The following DGKB variants were observed in gnomAD, a reference collection of about 807,000 sequenced individuals.
The protein encoded by DGKB is diacylglycerol kinase beta.
DGKB carries 67 observed loss-of-function variants against 114.3 expected under a neutral mutation model. The ratio of observed to expected loss-of-function variants is 0.59; its 90% CI spans 0.48 to 0.72. DGKB has a LOEUF of 0.72. Among genes scored for constraint, DGKB ranks in the 30% least tolerant of loss-of-function variants. The pLI, the probability that DGKB is intolerant of heterozygous loss-of-function variation, is 0.00. For synonymous variants in DGKB, 398 were observed against 323.1 expected (o/e 1.23, Z -2.49); for missense variants, 907 against 975.2 (o/e 0.93, Z 0.93).
At chr7:14,440,489 G>T (rs911163365) in intron 21 of DGKB, among the ~76,000 whole-genome samples, 4 of 151,932 alleles carry the variant, frequency 2.6e-5, no homozygotes, top group African/African-American at 9.7e-5. Flanking sequence ...AATAAATAAA[G>T]GTATGTATTT....
intron 2 of DGKB, among the ~76,000 whole-genome samples, chr7:14,763,160 T>A (rs960615140): frequency 6.6e-6 from 1 of 151,994 alleles, no homozygotes; most frequent in African/African-American, 2.4e-5. Flanking sequence ...TGCTGATGAT[T>A]TTTTTTTCCT....
chr7:14,702,094 CA>C (rs1825298684), intron 6 of DGKB, among the ~76,000 whole-genome samples: 1 of 152,100 alleles, frequency 6.6e-6, no homozygotes, highest in African/African-American at 2.4e-5. Flanking sequence ...GGAAAAACAA[CA>C]AATGTGAAAT....
intron 22 of DGKB, among the ~76,000 whole-genome samples, chr7:14,341,327 G>A (rs1247825272): frequency 2.0e-5 from 3 of 151,760 alleles, no homozygotes; most frequent in African/African-American, 7.2e-5. Context: ...TTCAGTGCTG[G>A]TTCTGATGGA....
intron 1 of DGKB, among the ~76,000 whole-genome samples, chr7:14,853,997 C>G (rs993971002): frequency 6.6e-6 from 1 of 151,824 alleles, no homozygotes; most frequent in Non-Finnish European, 1.5e-5. Flanking sequence ...ACACCTTTAT[C>G]ACATCTTGCC....
chr7:14,571,794 G>A (rs1798425329), intron 20 of DGKB, among the ~76,000 whole-genome samples: 1 of 152,114 alleles, frequency 6.6e-6, no homozygotes, highest in Non-Finnish European at 1.5e-5. Context: ...AAGACTTACT[G>A]GCTCAAAGTG....
intron 20 of DGKB, among the ~76,000 whole-genome samples, chr7:14,547,946 T>C (rs1402501419): frequency 1.3e-5 from 2 of 152,224 alleles, no homozygotes; most frequent in African/African-American, 4.8e-5. Flanking sequence ...ACATTCTAAA[T>C]TCTTCAGCAC....
chr7:14,887,476 G>C (rs1780486910), intron 1 of DGKB, among the ~76,000 whole-genome samples: 2 of 151,828 alleles, frequency 1.3e-5, no homozygotes, highest in South Asian at 4.2e-4. Context: ...TGTACACTCA[G>C]TCCCTAAGGG....
chr7:14,310,789 T>C (rs1431296172), intron 23 of DGKB, among the ~76,000 whole-genome samples: 2 of 152,190 alleles, frequency 1.3e-5, no homozygotes, highest in Non-Finnish European at 2.9e-5. Context: ...GACTATGTAC[T>C]AGGTAAGAGG....
At chr7:14,390,504 G>A (rs1284073378) in intron 21 of DGKB, among the ~76,000 whole-genome samples, 1 of 152,002 alleles carries the variant, frequency 6.6e-6, no homozygotes, top group Non-Finnish European at 1.5e-5. Flanking sequence ...ATGTATTCTG[G>A]CTTCATATGA....
intron 23 of DGKB, among the ~76,000 whole-genome samples, chr7:14,296,760 G>GTT (rs56367420): frequency 0.013 from 1,318 of 100,784 alleles, 31 homozygotes; most frequent in African/African-American, 0.05. Flanking sequence ...TCCAGGGACT[G>GTT]TTTTTTTTTT....
chr7:14,646,551 C>T (rs1813056622), intron 13 of DGKB, among the ~76,000 whole-genome samples: 1 of 152,236 alleles, frequency 6.6e-6, no homozygotes, highest in South Asian at 2.1e-4. Flanking sequence ...TTATTCTCCT[C>T]AGGACATGGG....
intron 25 of DGKB, among the ~76,000 whole-genome samples, chr7:14,162,991 T>C (rs1265253125): frequency 6.6e-6 from 1 of 152,122 alleles, no homozygotes; most frequent in African/African-American, 2.4e-5. Flanking sequence ...GCTGCAAAAT[T>C]AAAATAAATG....
intron 1 of DGKB, among the ~76,000 whole-genome samples, chr7:14,851,064 T>C (rs569898766): frequency 6.6e-6 from 1 of 152,338 alleles, no homozygotes; most frequent in Admixed American, 6.5e-5. Context: ...TTATTTTCTC[T>C]TTGCTTTTAC....
intron 21 of DGKB, among the ~76,000 whole-genome samples, chr7:14,400,768 C>T (rs1563104370): frequency 6.6e-6 from 1 of 150,946 alleles, no homozygotes; most frequent in Non-Finnish European, 1.5e-5. Context: ...ATTTATTAAT[C>T]CTGAAATGTG....
intron 1 of DGKB, among the ~76,000 whole-genome samples, chr7:14,844,687 G>C (rs1156674236): frequency 3.3e-5 from 5 of 152,088 alleles, no homozygotes; most frequent in Non-Finnish European, 7.3e-5. Flanking sequence ...TCCTTGGATG[G>C]TCATGAACTA....
chr7:14,388,492 G>C (rs1820795854), intron 21 of DGKB, among the ~76,000 whole-genome samples: 2 of 149,684 alleles, frequency 1.3e-5, no homozygotes, highest in South Asian at 4.2e-4. Flanking sequence ...ATACTAAAAA[G>C]ACAACAGTGC....
chr7:14,509,955 C>G (rs1350507787), intron 20 of DGKB, among the ~76,000 whole-genome samples: 2 of 152,108 alleles, frequency 1.3e-5, no homozygotes, highest in Non-Finnish European at 2.9e-5. Context: ...GCGGGCTGGT[C>G]ATGAGGTCAG....
chr7:14,712,129 T>C (rs1827457963), intron 6 of DGKB, among the ~76,000 whole-genome samples: 1 of 152,018 alleles, frequency 6.6e-6, no homozygotes, highest in African/African-American at 2.4e-5. Context: ...TCTGTGAAGT[T>C]AAATGTAAGG....
chr7:14,187,730 C>T (rs1267804477), intron 23 of DGKB, among the ~76,000 whole-genome samples: 3 of 152,074 alleles, frequency 2.0e-5, no homozygotes, highest in African/African-American at 7.2e-5. Context: ...AAAGCTACTC[C>T]ATAATGTTGG....
Sources: allele counts gnomAD v4.1 joint callset (sites outside exome capture counted in the v4.1 genomes callset), GRCh38; gene constraint gnomAD v4.1.1; transcripts MANE v1.5; gene names NCBI Gene and HGNC (gene_info 2026-07-23, HGNC 2026-07-21).